Variants in NRXN1 observed in about 807,000 individuals in gnomAD.
NRXN1 encodes neurexin-1.
NRXN1 carries 39 observed loss-of-function variants against 150.9 expected under a neutral mutation model. That is an observed-to-expected ratio of 0.26 (90% CI 0.20 to 0.34). NRXN1 has a LOEUF of 0.34. NRXN1 is among the 10% of genes least tolerant of loss of function. The pLI is 1.00. For missense variants in NRXN1, 1,815 were observed against 1,949.9 expected (o/e 0.93, Z 1.30); for synonymous variants, 924 against 757.0 (o/e 1.22, Z -3.62).
rs569278481 is a variant in NRXN1 at position 50,134,599 on chromosome 2, T to C, written c.3547-43105A>G. 8.7e-4 allele frequency among the ~76,000 whole-genome samples: 132 copies of C among 152,214 alleles called. 1 individual carries two copies. The highest frequency in any genetic ancestry group is 3.1e-3 in the African/African-American group (129 of 41,536). ...GATCACAGAAGCAAAAAAAGCAGAT[T>C]TAGGCAGATTCCCAGCCCCATCCCA... On this transcript the variant is annotated intron_variant, in intron 18 of 22. Transcript: ENST00000401669.
chr2:50,745,022 C>A (rs1344634872), intron 5 of NRXN1, among the ~76,000 whole-genome samples: 1 of 152,084 alleles, frequency 6.6e-6, no homozygotes, highest in African/African-American at 2.4e-5. Context: ...TAGTCTCCAA[C>A]TGAGCATGCG....
At position 50,417,715 on chromosome 2, in the gene NRXN1, C is replaced by T. The variant is rs190038097; in HGVS notation, c.3364+47727G>A. Among the ~76,000 whole-genome samples, 17 of 151,878 alleles carry T rather than the reference C, an allele frequency of 1.1e-4. No individual in the cohort carries two copies. In the East Asian group the frequency reaches 3.3e-3, roughly 29 times the overall value. Reference sequence around the variant, plus strand: ...TTTGGTGGGGAGGGAGAAGGCAAGGCTTTCTTGAGGCAGTAACATTTGAAT... The same window carrying T: ...TTTGGTGGGGAGGGAGAAGGCAAGGTTTTCTTGAGGCAGTAACATTTGAAT... On this transcript the variant is annotated intron_variant, in intron 17 of 22. Transcript: ENST00000401669.
chr2:50,826,373 C>T (rs1249856745), intron 5 of NRXN1, among the ~76,000 whole-genome samples: 1 of 152,002 alleles, frequency 6.6e-6, no homozygotes, highest in Non-Finnish European at 1.5e-5. Context: ...AGCCAATGAG[C>T]CAGTGAAGGA....
intron 17 of NRXN1, among the ~76,000 whole-genome samples, chr2:50,313,971 CATA>C (rs1286026396): frequency 6.6e-6 from 1 of 152,004 alleles, no homozygotes; most frequent in Non-Finnish European, 1.5e-5. Flanking sequence ...TCTGACAGCA[CATA>C]ATGTAGTTTA....
chr2:50,044,173 C>T (rs1482885966), intron 21 of NRXN1, among the ~76,000 whole-genome samples: 2 of 152,140 alleles, frequency 1.3e-5, no homozygotes, highest in Admixed American at 1.3e-4. Context: ...TACTTTACTC[C>T]ATGTCGCAGT....
Position 50,347,676 on chromosome 2 carries a change from G to A in NRXN1, c.3365-110706C>T, listed in dbSNP as rs760807620. 3 of 986,848 alleles carry A rather than the reference G, an allele frequency of 3.0e-6. No individual in the cohort carries two copies. The highest frequency in any genetic ancestry group is 4.7e-5 in the South Asian group (1 of 21,456). The allele number at this position is 986,848 out of a possible 1,614,324, so 61.1% of individuals were successfully genotyped here. A position where few individuals can be genotyped will look rare whatever the true frequency, so the allele number is the denominator to read the frequency against. The stretch of plus-strand genomic sequence containing the variant: ...CTTCTGAAGGAAGTGGGAATCGAAC[G>A]GCGGAAAGGCAGCTGAGAAGAAGAT... On this transcript the variant is annotated intron_variant, in intron 17 of 22. Transcript: ENST00000401669. The surrounding 1 kb of genome is among the most constrained non-coding windows in gnomAD (Gnocchi z 4.9).
chr2:50,270,321 A>T (rs1264239194), intron 17 of NRXN1, among the ~76,000 whole-genome samples: 2 of 152,176 alleles, frequency 1.3e-5, no homozygotes, highest in Non-Finnish European at 2.9e-5. Context: ...TTGTATACAT[A>T]TGAAACTTTA....
chr2:49,993,080 A>G (rs1438088456), intron 21 of NRXN1, among the ~76,000 whole-genome samples: 1 of 152,232 alleles, frequency 6.6e-6, no homozygotes, highest in Non-Finnish European at 1.5e-5. Context: ...AAAAGTTGAA[A>G]ACTTACGTTC....
chr2:50,717,182 T>C (rs1470557647), intron 5 of NRXN1, among the ~76,000 whole-genome samples: 1 of 152,228 alleles, frequency 6.6e-6, no homozygotes, highest in Non-Finnish European at 1.5e-5. Context: ...AATACATATA[T>C]GTTACTTCAT....
intron 17 of NRXN1, among the ~76,000 whole-genome samples, chr2:50,338,992 G>A (rs1394803215): frequency 6.6e-6 from 1 of 152,102 alleles, no homozygotes; most frequent in Non-Finnish European, 1.5e-5. Flanking sequence ...GAAACCTGAA[G>A]TCATCTAGAA....
At chr2:50,024,327 T>G (rs1687971071) in intron 21 of NRXN1, among the ~76,000 whole-genome samples, 1 of 152,198 alleles carries the variant, frequency 6.6e-6, no homozygotes, top group Non-Finnish European at 1.5e-5. Context: ...GTTTTTGCCC[T>G]GAGTGTTTTT....
chr2:50,307,792 T>C (rs890425645), intron 17 of NRXN1, among the ~76,000 whole-genome samples: 5 of 152,144 alleles, frequency 3.3e-5, no homozygotes, highest in African/African-American at 1.2e-4. Context: ...CCTTTATCTT[T>C]TCCGTGGATT....
intron 18 of NRXN1, among the ~76,000 whole-genome samples, chr2:50,210,707 A>G (rs2062953500): frequency 6.6e-6 from 1 of 151,548 alleles, no homozygotes; most frequent in Non-Finnish European, 1.5e-5. Flanking sequence ...ATGAATAAAA[A>G]CCCTTTCTGC....
At chr2:50,982,639 T>G (rs1558531581) in intron 2 of NRXN1, among the ~76,000 whole-genome samples, 1 of 152,120 alleles carries the variant, frequency 6.6e-6, no homozygotes. Flanking sequence ...AAGGCACCAT[T>G]TGGCATAGCA....
intron 5 of NRXN1, among the ~76,000 whole-genome samples, chr2:50,779,660 T>G (rs1574448988): frequency 6.6e-6 from 1 of 151,812 alleles, no homozygotes; most frequent in African/African-American, 2.4e-5. Flanking sequence ...CCCAGCTACT[T>G]GGGAGGCTGA....
At chr2:50,456,158 T>C (rs986202271) in intron 17 of NRXN1, among the ~76,000 whole-genome samples, 1 of 152,168 alleles carries the variant, frequency 6.6e-6, no homozygotes, top group Non-Finnish European at 1.5e-5. Context: ...AAATACAGCC[T>C]CCTCCTTGTT....
intron 15 of NRXN1, 42 bp downstream of exon 15, chr2:50,495,863 G>A (rs548327479): frequency 1.2e-5 from 18 of 1,499,434 alleles, no homozygotes; most frequent in South Asian, 4.1e-5. Context: ...AAGGGAGACC[G>A]TGTGGTGCAA....
chr2:50,168,717 T>C (rs972034441), intron 18 of NRXN1, among the ~76,000 whole-genome samples: 22 of 152,198 alleles, frequency 1.4e-4, no homozygotes, highest in Admixed American at 1.3e-4. Flanking sequence ...AAAAGCCCTC[T>C]GGACCAGGTG....
At chr2:50,845,172 C>A (rs1308242183) in intron 5 of NRXN1, among the ~76,000 whole-genome samples, 1 of 152,022 alleles carries the variant, frequency 6.6e-6, no homozygotes, top group Non-Finnish European at 1.5e-5. Context: ...TAAAAAATTG[C>A]CTCTGAGAAA....
Sources: allele counts gnomAD v4.1 joint callset (sites outside exome capture counted in the v4.1 genomes callset), GRCh38; gene constraint gnomAD v4.1.1; non-coding constraint Gnocchi (gnomAD v3.1); transcripts MANE v1.5; gene names NCBI Gene and HGNC (gene_info 2026-07-23, HGNC 2026-07-21).